Variants in MAPK12 observed in about 807,000 individuals in gnomAD.
MAPK12 encodes the protein mitogen-activated protein kinase 12, also known as MAP kinase 12.
A neutral mutation model predicts 49.1 loss-of-function variants in MAPK12; 49 were observed. The ratio of observed to expected loss-of-function variants is 1.00; its 90% CI spans 0.79 to 1.27. The LOEUF (loss-of-function observed/expected upper bound fraction) is 1.27, where lower values mean the gene tolerates loss of function less well. MAPK12 is among the 50% of genes most tolerant of loss of function. The pLI is 0.00. For synonymous variants in MAPK12, 251 were observed against 209.7 expected, an observed-to-expected ratio of 1.20 and a Z score of -1.70; for missense variants, 554 against 502.4, an observed-to-expected ratio of 1.10 and a Z score of -0.98.
rs539087130 is a variant in MAPK12 at position 50,258,242 on chromosome 22, C to G, written c.314+1G>C. The stretch of plus-strand genomic sequence containing the variant: ...AGCGGCCAGCCCAGGTCGGCACTCA[C>G]AAGTCCGTGAAGTCATCCAGGGTCT... On this transcript the variant is annotated splice_donor_variant, in intron 3 of 11. Transcript: ENST00000215659. LOFTEE classifies it high-confidence loss of function. The G allele has an allele frequency of 1.2e-6, 2 of 1,613,124 alleles. No homozygotes were observed. The highest frequency in any genetic ancestry group is 2.2e-5 in the South Asian group (2 of 91,092).
chr22:50,253,502 G>GGGCCCCCCCCCCCCCCCC, intron 11 of MAPK12, 22 bp from the exon 12 acceptor site: 2 of 171,674 alleles, frequency 1.2e-5, no homozygotes, highest in East Asian at 3.1e-4. Flanking sequence ...GGGGGGGCGG[G>GGGCCCCCCCCCCCCCCCC]CACAACAGAG....
chr22:50,254,537 G>A (rs2002766), intron 11 of MAPK12: 393,770 of 573,778 alleles, frequency 0.69, 136,190 homozygotes, highest in South Asian at 0.84. Flanking sequence ...CTGTAGTCCC[G>A]GCTACTCGGG....
chr22:50,256,756 C>G, intron 5 of MAPK12, 110 bp from the exon 6 acceptor site: 3 of 1,520,534 alleles, frequency 2.0e-6, no homozygotes, highest in Non-Finnish European at 2.6e-6. Context: ...CCCCCTTGCT[C>G]TCTGCAGCCC....
chr22:50,261,095 G>C, intron 2 of MAPK12, 72 bp downstream of exon 2: 1 of 1,427,566 alleles, frequency 7.0e-7, no homozygotes. Context: ...GGGTTGCCGG[G>C]TGGGGGAACC....
intron 9 of MAPK12, 24 bp downstream of exon 9, chr22:50,255,591 C>T (rs1281909294): frequency 6.2e-7 from 1 of 1,611,650 alleles, no homozygotes; most frequent in Non-Finnish European, 8.5e-7. Flanking sequence ...CCCACCCCCA[C>T]CCAGCTCCCC....
intron 2 of MAPK12, 71 bp downstream of exon 2, chr22:50,261,096 T>TG: frequency 1.4e-6 from 2 of 1,416,276 alleles, no homozygotes; most frequent in Non-Finnish European, 1.9e-6. Flanking sequence ...GGTTGCCGGG[T>TG]GGGGGAACCC....
chr22:50,256,312 C>G, intron 6 of MAPK12, 113 bp from the exon 7 acceptor site: 1 of 821,522 alleles, frequency 1.2e-6, no homozygotes, highest in African/African-American at 1.7e-5. Context: ...GCTGGGGCCT[C>G]CTGACAACCT....
At chr22:50,257,479 G>T (rs5771285) in intron 3 of MAPK12, 409,233 of 539,020 alleles carry the variant, frequency 0.76, 157,448 homozygotes, top group African/African-American at 0.92. Context: ...TGAACCCTCC[G>T]CTGAAGCGCC....
In MAPK12 at chr22:50,261,225, A is replaced by C. The variant is rs781124093; in HGVS notation, c.197T>G (p.Leu66Arg). ...KKLYRPFQSE[L>R]FAKRAYRELR... is the part of the protein sequence containing the mutation. ...CTCGCGGTAGGCGCGCTTGGCGAAC[A>C]GCTCGGACTGGAAAGGCCGATACAG... The change falls in exon 2 of 12, where the codon CTG becomes CGG. Residue 66 changes from leucine to arginine, a missense_variant. Leu to Arg is a moderately radical substitution (Grantham distance 102). Transcript: ENST00000215659. 21 of 1,588,700 alleles carry C rather than the reference A, an allele frequency of 1.3e-5. No homozygotes were observed. The Admixed American group carries it at 3.6e-4, about 27-fold the overall frequency.
At chr22:50,259,876 C>A (rs1251216682) in intron 2 of MAPK12, among the ~76,000 whole-genome samples, 1 of 149,672 alleles carries the variant, frequency 6.7e-6, no homozygotes, top group Non-Finnish European at 1.5e-5. Flanking sequence ...AAGAGCGAAA[C>A]TCGGTCTCAA....
Position 50,256,135 on chromosome 22 carries a change from C to T in MAPK12, c.569G>A (p.Trp190Ter). ...SEMTGYVVTR[W>*]YRAPEVILNW... ...CAAGATGACCTCGGGAGCCCGGTAC[C>T]ACCGGGTCACCACGTACCCAGTCAT... is the stretch of plus-strand genomic sequence containing the variant. The change falls in exon 7 of 12, where the codon TGG becomes TAG. Residue 190 changes from tryptophan to a stop codon, truncating the protein, a stop_gained. Coordinates refer to ENST00000215659, the MANE Select transcript of MAPK12 (RefSeq NM_002969.6). LOFTEE classifies it high-confidence loss of function. 5 of 1,612,802 alleles carry T rather than the reference C, an allele frequency of 3.1e-6. 1 individual carries two copies. The highest frequency in any genetic ancestry group is 4.2e-6 in the Non-Finnish European group (5 of 1,179,940).
At chr22:50,256,470 A>G (rs1601641966) in intron 6 of MAPK12, 129 bp downstream of exon 6, 1 of 1,251,268 alleles carries the variant, frequency 8.0e-7, no homozygotes, top group East Asian at 2.4e-5. Context: ...TCACCCACCC[A>G]CCAGCTCCTC....
intron 3 of MAPK12, 105 bp from the exon 4 acceptor site, chr22:50,257,298 C>A (rs1227964252): frequency 2.4e-6 from 2 of 838,790 alleles, no homozygotes; most frequent in Non-Finnish European, 3.9e-6. Flanking sequence ...CCAACAGGCA[C>A]CCCCAGGAAG....
chr22:50,255,798 G>A lies in MAPK12; in HGVS notation c.691+12C>T, dbSNP rs761618832. On this transcript the variant is annotated intron_variant, in intron 8 of 11. Transcript: ENST00000215659. ...CACCCGCCCCTGGTGCCGCCCTGCG[G>A]CTGGAGGATACGGTCGCTGCCCTTG... The A allele has an allele frequency of 1.9e-6, 3 of 1,612,544 alleles. No individual in the cohort carries two copies. The highest frequency in any genetic ancestry group is 2.2e-5 in the East Asian group (1 of 44,890).
chr22:50,259,341 AGG>A (rs2065185335), intron 2 of MAPK12, among the ~76,000 whole-genome samples: 2 of 152,024 alleles, frequency 1.3e-5, no homozygotes, highest in South Asian at 4.1e-4. Context: ...CCTGTGGGCT[AGG>A]GGCCACAGGA....
chr22:50,255,752 C>A, intron 8 of MAPK12, 58 bp from the exon 9 acceptor site: 3 of 1,609,636 alleles, frequency 1.9e-6, no homozygotes, highest in South Asian at 2.2e-5. Context: ...CCACTGCCCC[C>A]ACCTGGGCAG....
intron 2 of MAPK12, among the ~76,000 whole-genome samples, chr22:50,258,968 G>T (rs1038190593): frequency 2.6e-5 from 4 of 152,210 alleles, no homozygotes; most frequent in Non-Finnish European, 5.9e-5. Context: ...TACAGGGAGG[G>T]AGGCCAGGTG....
chr22:50,259,362 G>A (rs2065185522), intron 2 of MAPK12, among the ~76,000 whole-genome samples: 3 of 152,232 alleles, frequency 2.0e-5, no homozygotes, highest in African/African-American at 7.2e-5. Flanking sequence ...GACTTGGCCT[G>A]GCCTCTGTGG....
intron 2 of MAPK12, among the ~76,000 whole-genome samples, chr22:50,258,536 G>A (rs997996819): frequency 1.3e-5 from 2 of 152,228 alleles, no homozygotes; most frequent in Non-Finnish European, 1.5e-5. Flanking sequence ...ATTTTTGGAC[G>A]GTGACAACCG....
Sources: gnomAD v4.1 joint callset for allele counts (sites outside exome capture counted in the v4.1 genomes callset) on GRCh38, gnomAD v4.1.1 for gene constraint, MANE v1.5 for transcripts, NCBI Gene and HGNC (gene_info 2026-07-23, HGNC 2026-07-21) for gene names.